ROR1: variants seen among roughly 807,000 people sequenced by gnomAD.
ROR1 encodes the protein ROR family WNT receptor 1, also known as inactive tyrosine-protein kinase transmembrane receptor ROR1.
In ROR1, 19 loss-of-function variants were observed where a neutral mutation model predicts 78.8. The ratio of observed to expected loss-of-function variants is 0.24; its 90% CI spans 0.17 to 0.35. The LOEUF is 0.35. Among genes scored for constraint, ROR1 ranks in the 10% least tolerant of loss-of-function variants. The pLI, the probability that ROR1 is intolerant of heterozygous loss-of-function variation, is 1.00. For synonymous variants in ROR1, 386 were observed against 433.6 expected, an observed-to-expected ratio of 0.89 and a Z score of 1.36; for missense variants, 917 against 1,177.8, an observed-to-expected ratio of 0.78 and a Z score of 3.24.
rs766260039 is a variant in ROR1, at chr1:64,012,200, G to A, written c.163+2824G>A. Among the ~76,000 whole-genome samples, 27 of 152,172 alleles carry A rather than the reference G, an allele frequency of 1.8e-4. 1 individual carries two copies. The highest frequency in any genetic ancestry group is 2.9e-4 in the Non-Finnish European group (20 of 68,028). Reference sequence around the variant, plus strand: ...AAGGCCTAGAGTTTTGGTATCCCATGGGGATAAGAGTTGGAGCCACAGGAA... The same window carrying A: ...AAGGCCTAGAGTTTTGGTATCCCATAGGGATAAGAGTTGGAGCCACAGGAA... On this transcript the variant is annotated intron_variant, in intron 2 of 8. Transcript: ENST00000371079.
intron 1 of ROR1, among the ~76,000 whole-genome samples, chr1:63,876,645 G>GGT (rs367954652): frequency 0.074 from 9,616 of 130,530 alleles, 367 homozygotes; most frequent in Admixed American, 0.13. Flanking sequence ...CCACGAAAGG[G>GGT]GTGTGTGTGT....
At chr1:63,860,108 C>T (rs1298486914) in intron 1 of ROR1, among the ~76,000 whole-genome samples, 1 of 152,196 alleles carries the variant, frequency 6.6e-6, no homozygotes, top group Non-Finnish European at 1.5e-5. Flanking sequence ...TCTGTCCAGA[C>T]ATGTTACGAT....
At chr1:63,936,076 G>A (rs548450682) in intron 1 of ROR1, among the ~76,000 whole-genome samples, 3 of 152,306 alleles carry the variant, frequency 2.0e-5, no homozygotes, top group Middle Eastern at 3.4e-3. Flanking sequence ...CATCCCAGTG[G>A]CATTACCTGC....
chr1:64,024,536 G>C (rs1335120553), intron 2 of ROR1, among the ~76,000 whole-genome samples: 1 of 152,044 alleles, frequency 6.6e-6, no homozygotes, highest in Non-Finnish European at 1.5e-5. Flanking sequence ...CATTGTAGAG[G>C]TATTCAGTAA....
At chr1:64,038,698 A>T (rs1646722854) in intron 2 of ROR1, among the ~76,000 whole-genome samples, 1 of 152,188 alleles carries the variant, frequency 6.6e-6, no homozygotes, top group African/African-American at 2.4e-5. Flanking sequence ...ATGACTGTGT[A>T]GCCAGGATGA....
chr1:64,060,763 G>A (rs1249007880), intron 4 of ROR1, among the ~76,000 whole-genome samples: 2 of 152,168 alleles, frequency 1.3e-5, no homozygotes, highest in East Asian at 1.9e-4. Flanking sequence ...CAGAGAAGGA[G>A]CAGATGGAGG....
chr1:64,118,717 T>C (rs1648413079), intron 4 of ROR1, among the ~76,000 whole-genome samples: 1 of 140,902 alleles, frequency 7.1e-6, no homozygotes, highest in Non-Finnish European at 1.5e-5. Context: ...AAGGGGAAAA[T>C]GAGGAGGCTT....
chr1:63,803,634 G>A (rs144873645), intron 1 of ROR1, among the ~76,000 whole-genome samples: 5 of 152,302 alleles, frequency 3.3e-5, no homozygotes, highest in Admixed American at 2.6e-4. Context: ...GTGAGCCACC[G>A]CGCCCGGCCC....
chr1:63,905,757 C>T (rs1365555291), intron 1 of ROR1, among the ~76,000 whole-genome samples: 1 of 151,910 alleles, frequency 6.6e-6, no homozygotes, highest in Non-Finnish European at 1.5e-5. Context: ...AGATAAGAGT[C>T]TAACTTAAAA....
chr1:64,177,807 A>C lies in ROR1; in HGVS notation c.1766A>C (p.His589Pro), dbSNP rs1433573112. ...GGGACTGTGAAATCCAGCCTGGACCACGGAGATTTTCTGCACATTGCAATT... is the reference window on the plus strand; with the variant it reads ...GGGACTGTGAAATCCAGCCTGGACCCCGGAGATTTTCTGCACATTGCAATT... ...EDGTVKSSLD[H>P]GDFLHIAIQI... The change falls in exon 9 of 9, where the codon CAC (histidine) becomes CCC (proline). Residue 589 changes from histidine to proline, a missense_variant. Transcript: ENST00000371079. The C allele has an allele frequency of 1.2e-6, 2 of 1,614,074 alleles. No individual in the cohort carries two copies. The highest frequency in any genetic ancestry group is 2.7e-5 in the African/African-American group (2 of 74,944).
intron 1 of ROR1, among the ~76,000 whole-genome samples, chr1:63,900,457 A>AAC (rs1027538582): frequency 6.6e-5 from 10 of 151,144 alleles, no homozygotes; most frequent in African/African-American, 2.4e-4. Context: ...CCATCTCAAA[A>AAC]AAAAAAAAAA....
chr1:63,912,092 A>C (rs898639714), intron 1 of ROR1, among the ~76,000 whole-genome samples: 2 of 149,394 alleles, frequency 1.3e-5, no homozygotes, highest in African/African-American at 5.0e-5. Flanking sequence ...TTTGAGACCA[A>C]CCTGAGAAAC....
At position 63,978,334 on chromosome 1, in the gene ROR1, T is replaced by C. The variant is rs1646178834; in HGVS notation, c.92-30971T>C. On this transcript the variant is annotated intron_variant, in intron 1 of 8. Transcript: ENST00000371079. The stretch of plus-strand genomic sequence containing the variant: ...ATAATTTTCTGTAAGAGTAAAGTCA[T>C]GGTCATTAAGGTAGTCATATTAATG... 2.0e-5 allele frequency among the ~76,000 whole-genome samples: 3 copies of C among 152,366 alleles called. No individual in the cohort carries two copies. In the South Asian group the frequency reaches 6.2e-4, roughly 32 times the overall value.
chr1:63,963,670 A>G lies in ROR1; in HGVS notation c.92-45635A>G, dbSNP rs144607053. 5.9e-5 allele frequency among the ~76,000 whole-genome samples: 9 copies of G among 152,276 alleles called. No individual in the cohort carries two copies. In the East Asian group the frequency reaches 1.5e-3, roughly 26 times the overall value. On this transcript the variant is annotated intron_variant, in intron 1 of 8. Coordinates refer to ENST00000371079, the MANE Select transcript of ROR1 (RefSeq NM_005012.4). ...AGTACTTTGCTTTCCAGTGTAAGAAAAGCTACATTTCCCAGGCTCCTTTAC... is the reference window on the plus strand; with the variant it reads ...AGTACTTTGCTTTCCAGTGTAAGAAGAGCTACATTTCCCAGGCTCCTTTAC...
intron 1 of ROR1, among the ~76,000 whole-genome samples, chr1:63,815,469 TTTTC>T (rs201305564): frequency 0.046 from 6,510 of 141,250 alleles, 504 homozygotes; most frequent in African/African-American, 0.19. Context: ...TTTTCTTTTC[TTTTC>T]TTTTCTTTTT....
chr1:63,933,524 G>T (rs935635347), intron 1 of ROR1, among the ~76,000 whole-genome samples: 1 of 152,148 alleles, frequency 6.6e-6, no homozygotes, highest in Non-Finnish European at 1.5e-5. Context: ...GCTCTCTTTC[G>T]TAAGTTTTCT....
intron 4 of ROR1, among the ~76,000 whole-genome samples, chr1:64,083,437 G>A (rs1198962099): frequency 1.3e-5 from 2 of 151,134 alleles, no homozygotes; most frequent in African/African-American, 2.4e-5. Flanking sequence ...ATAGCTGGAG[G>A]TAATGACAGT....
At chr1:64,110,926 ATCTTT>A (rs1648068253) in intron 4 of ROR1, 1 of 152,050 alleles carries the variant, frequency 6.6e-6, no homozygotes, top group Admixed American at 6.6e-5. Context: ...TCTGATCCAA[ATCTTT>A]TCCTCCAAAA....
chr1:64,152,738 A>G (rs963795286), intron 7 of ROR1, among the ~76,000 whole-genome samples: 1 of 152,312 alleles, frequency 6.6e-6, no homozygotes, highest in Non-Finnish European at 1.5e-5. Context: ...ATTTTATTCC[A>G]TAATTAAACA....
Sources: gnomAD v4.1 joint callset for allele counts (sites outside exome capture counted in the v4.1 genomes callset) on GRCh38, gnomAD v4.1.1 for gene constraint, MANE v1.5 for transcripts, NCBI Gene and HGNC (gene_info 2026-07-23, HGNC 2026-07-21) for gene names.